The following HIVEP3 variants were observed in gnomAD, a reference collection of about 807,000 sequenced individuals.
The protein encoded by HIVEP3 is transcription factor HIVEP3.
Under a neutral mutation model 152.8 loss-of-function variants are expected in HIVEP3, and 49 were observed. The ratio of observed to expected loss-of-function variants is 0.32; its 90% CI spans 0.26 to 0.41. HIVEP3 has a LOEUF of 0.41. HIVEP3 is among the 10% of genes least tolerant of loss of function. The pLI is 1.00. For synonymous variants in HIVEP3, 1,269 were observed against 1,289.0 expected, an observed-to-expected ratio of 0.98 and a Z score of 0.33; for missense variants, 2,790 against 3,103.3, an observed-to-expected ratio of 0.90 and a Z score of 2.40.
chr1:41,664,454 T>C lies in HIVEP3; in HGVS notation c.-720-35507A>G, dbSNP rs1645763749. Among the ~76,000 whole-genome samples the C allele has an allele frequency of 6.6e-6, 1 of 152,228 alleles. No homozygotes were observed. The highest frequency in any genetic ancestry group is 6.5e-5 in the Admixed American group (1 of 15,288). On this transcript the variant is annotated intron_variant, in intron 2 of 8. Transcript: ENST00000372583. The surrounding 1 kb of genome is among the most constrained non-coding windows in gnomAD (Gnocchi z 4.4). ...TCCCAATGGATTTGGTCACCTTCCA[T>C]GATGCCACAGGCAACTCAATAGTTC...
At chr1:41,685,859 C>T (rs1646106843) in intron 2 of HIVEP3, among the ~76,000 whole-genome samples, 1 of 152,156 alleles carries the variant, frequency 6.6e-6, no homozygotes, top group Non-Finnish European at 1.5e-5. Context: ...CTCTCTCCAA[C>T]CCGCCTCTCT....
chr1:41,577,032 G>A (rs554947618), intron 4 of HIVEP3, among the ~76,000 whole-genome samples: 6 of 152,274 alleles, frequency 3.9e-5, no homozygotes, highest in Admixed American at 3.3e-4. Flanking sequence ...GACTGTCCAT[G>A]TAATGACCAA....
In HIVEP3 at chr1:41,803,709, C is replaced by G. The variant is rs1022395997; in HGVS notation, c.-800-102714G>C. On this transcript the variant is annotated intron_variant, in intron 1 of 8. Coordinates refer to ENST00000372583, the MANE Select transcript of HIVEP3 (RefSeq NM_024503.5). ...CTCTGCCAAGAACAGTGTTCCTTGC[C>G]TGGTACACTCTCCTCAGAAGCAATC... Among the ~76,000 whole-genome samples, 4 of 152,346 alleles carry G rather than the reference C, an allele frequency of 2.6e-5. No individual in the cohort carries two copies. In the South Asian group the frequency reaches 8.3e-4, roughly 32 times the overall value.
Position 41,628,749 on chromosome 1 carries a change from C to T in HIVEP3, c.-522G>A, listed in dbSNP as rs1645152374. 3 of 1,232,092 alleles carry T rather than the reference C, an allele frequency of 2.4e-6. No individual in the cohort carries two copies. The highest frequency in any genetic ancestry group is 1.6e-5 in the African/African-American group (1 of 64,420). 76.3% of individuals were successfully genotyped at this position (1,232,092 alleles called of 1,614,324 possible). On this transcript the variant is annotated splice_region_variant and 5_prime_UTR_variant, in exon 3 of 9. Coordinates refer to ENST00000372583, the MANE Select transcript of HIVEP3 (RefSeq NM_024503.5). The stretch of plus-strand genomic sequence containing the variant: ...TTCAGCAACAGCCCCCATTTCCTAC[C>T]TGTGCTGAAGGCACCACTTCCGATG...
intron 1 of HIVEP3, among the ~76,000 whole-genome samples, chr1:41,880,440 A>C (rs777454751): frequency 7.9e-5 from 12 of 152,198 alleles, no homozygotes; most frequent in Non-Finnish European, 1.5e-4. Context: ...CAGCATGACA[A>C]CAAAGGCATC....
At chr1:41,776,496 T>C (rs1057439532) in intron 1 of HIVEP3, among the ~76,000 whole-genome samples, 1 of 152,224 alleles carries the variant, frequency 6.6e-6, no homozygotes, top group African/African-American at 2.4e-5. Context: ...CATCTCGGTC[T>C]GTCTTTGGGT....
chr1:41,606,606 C>T (rs1265630095), intron 3 of HIVEP3, among the ~76,000 whole-genome samples: 1 of 151,894 alleles, frequency 6.6e-6, no homozygotes, highest in Non-Finnish European at 1.5e-5. Flanking sequence ...TCTTCTTGAA[C>T]CTCATTTAAT....
At chr1:41,775,205 C>A (rs371352531) in intron 1 of HIVEP3, among the ~76,000 whole-genome samples, 3 of 152,200 alleles carry the variant, frequency 2.0e-5, no homozygotes, top group Admixed American at 6.5e-5. Flanking sequence ...CCCTCCCTCC[C>A]TCCATCCATT....
Position 42,001,685 on chromosome 1 carries a change from G to A in HIVEP3, n.119+34122C>T, listed in dbSNP as rs142310434. 2.6e-3 allele frequency among the ~76,000 whole-genome samples: 396 copies of A among 152,266 alleles called. 3 individuals are homozygous for A. The highest frequency in any genetic ancestry group is 9.2e-3 in the African/African-American group (383 of 41,554). On this transcript the variant is annotated intron_variant and non_coding_transcript_variant, in intron 1 of 3. Coordinates refer to the HIVEP3 transcript ENST00000489103. ...CTGGCTCATCACACACTTAAGCTGA[G>A]GTTAATCAGAATTTTTGGCATCTTT...
chr1:41,794,892 A>G (rs953127144), intron 1 of HIVEP3, among the ~76,000 whole-genome samples: 2 of 152,232 alleles, frequency 1.3e-5, no homozygotes, highest in African/African-American at 2.4e-5. Context: ...TAATGTTAAC[A>G]TTCTCCATAA....
chr1:41,820,061 T>C (rs374422783), intron 1 of HIVEP3, among the ~76,000 whole-genome samples: 2 of 152,036 alleles, frequency 1.3e-5, no homozygotes, highest in African/African-American at 4.8e-5. Context: ...AAACAGGTGG[T>C]GGGCTGGAAC....
chr1:42,029,670 C>G (rs1022248856), intron 1 of HIVEP3, among the ~76,000 whole-genome samples: 1 of 152,182 alleles, frequency 6.6e-6, no homozygotes, highest in African/African-American at 2.4e-5. Flanking sequence ...AGACCCAGGT[C>G]TTCACACCAA....
chr1:41,805,266 G>A (rs1256422389), intron 1 of HIVEP3, among the ~76,000 whole-genome samples: 1 of 152,190 alleles, frequency 6.6e-6, no homozygotes, highest in African/African-American at 2.4e-5. Context: ...GAACCCAGGA[G>A]GCGGAAGTTG....
intron 1 of HIVEP3, among the ~76,000 whole-genome samples, chr1:41,740,155 C>T (rs752249711): frequency 4.6e-5 from 7 of 152,200 alleles, no homozygotes; most frequent in East Asian, 1.9e-4. Context: ...GGCCAGTGGA[C>T]GGGATGAAGA....
At chr1:41,977,129 G>A (rs959224321) in intron 1 of HIVEP3, among the ~76,000 whole-genome samples, 19 of 152,186 alleles carry the variant, frequency 1.2e-4, no homozygotes, top group African/African-American at 4.6e-4. Context: ...GGGAGAATGA[G>A]TTGGGGCCTA....
chr1:41,878,687 C>T (rs1396097513), intron 1 of HIVEP3, among the ~76,000 whole-genome samples: 1 of 150,182 alleles, frequency 6.7e-6, no homozygotes, highest in Admixed American at 6.6e-5. Context: ...CCCTTCCCTC[C>T]TCCCTCCTCC....
chr1:41,731,893 C>A, intron 1 of HIVEP3, among the ~76,000 whole-genome samples: 1 of 152,224 alleles, frequency 6.6e-6, no homozygotes, highest in East Asian at 1.9e-4. Context: ...GGGTAATTTA[C>A]CACATGCAAT....
At chr1:41,795,526 G>A (rs546140555) in intron 1 of HIVEP3, among the ~76,000 whole-genome samples, 10 of 152,310 alleles carry the variant, frequency 6.6e-5, no homozygotes, top group Admixed American at 2.6e-4. Context: ...TTGGAAGTGA[G>A]TCACTAAGTC....
chr1:41,954,819 T>C (rs1570841478), intron 1 of HIVEP3, among the ~76,000 whole-genome samples: 1 of 152,336 alleles, frequency 6.6e-6, no homozygotes, highest in East Asian at 1.9e-4. Context: ...ATAGGGGTAA[T>C]AATAGTATCT....
Sources: gnomAD v4.1 joint callset for allele counts (sites outside exome capture counted in the v4.1 genomes callset) on GRCh38, gnomAD v4.1.1 for gene constraint, Gnocchi (gnomAD v3.1) non-coding constraint, MANE v1.5 for transcripts, NCBI Gene and HGNC (gene_info 2026-07-23, HGNC 2026-07-21) for gene names.